The following PTPRF variants were observed in gnomAD, a reference collection of about 807,000 sequenced individuals.
PTPRF encodes the protein receptor-type tyrosine-protein phosphatase F.
In PTPRF, 59 loss-of-function variants were observed where a neutral mutation model predicts 201.8. The observed-to-expected ratio is 0.29, with a 90% confidence interval of 0.24 to 0.36. The LOEUF is 0.36. PTPRF is among the 10% of genes least tolerant of loss of function. The pLI, the probability that PTPRF is intolerant of heterozygous loss-of-function variation, is 1.00. For synonymous variants in PTPRF, 1,088 were observed against 1,089.7 expected, an observed-to-expected ratio of 1.00 and a Z score of 0.03; for missense variants, 2,132 against 2,690.5, an observed-to-expected ratio of 0.79 and a Z score of 4.59.
intron 13 of PTPRF, among the ~76,000 whole-genome samples, chr1:43,599,936 C>A (rs950030351): frequency 6.6e-6 from 1 of 152,158 alleles, no homozygotes; most frequent in Non-Finnish European, 1.5e-5. Context: ...CCCCATTGAG[C>A]CTCTCACCTC....
chr1:43,561,370 T>C (rs1026280684), intron 5 of PTPRF, among the ~76,000 whole-genome samples: 1 of 152,162 alleles, frequency 6.6e-6, no homozygotes, highest in Non-Finnish European at 1.5e-5. Flanking sequence ...TGGAATGACT[T>C]GGCCCAGGCC....
At position 43,547,110 on chromosome 1, in the gene PTPRF, C is replaced by T. The variant is rs144240122; in HGVS notation, c.91+1944C>T. Among the ~76,000 whole-genome samples the T allele has an allele frequency of 2.3e-3, 353 of 152,302 alleles. 3 individuals carry two copies. The highest frequency in any genetic ancestry group is 0.02 in the Middle Eastern group (6 of 294). On this transcript the variant is annotated intron_variant, in intron 3 of 33. Transcript: ENST00000359947. Reference sequence around the variant, plus strand: ...TTCATTCCCTCCCACCCCCAGGCCCCCAGGGTCGTAACCCTTCTATAGGCC... The same window carrying T: ...TTCATTCCCTCCCACCCCCAGGCCCTCAGGGTCGTAACCCTTCTATAGGCC...
intron 7 of PTPRF, among the ~76,000 whole-genome samples, chr1:43,584,333 G>GCCA (rs1648556793): frequency 1.3e-5 from 2 of 152,094 alleles, no homozygotes; most frequent in African/African-American, 2.4e-5. Context: ...TGAGGGAGCC[G>GCCA]GTCGAGAGGA....
chr1:43,601,369 C>G (rs985908686), intron 13 of PTPRF, among the ~76,000 whole-genome samples: 1 of 152,246 alleles, frequency 6.6e-6, no homozygotes, highest in Non-Finnish European at 1.5e-5. Context: ...TCAGACACCC[C>G]GAGGAAGGAA....
intron 3 of PTPRF, among the ~76,000 whole-genome samples, chr1:43,552,460 G>A (rs143917110): frequency 2.8e-4 from 42 of 152,364 alleles, no homozygotes; most frequent in African/African-American, 9.9e-4. Context: ...AGAACCTGGT[G>A]CAGAGTGGGT....
rs605709 is a variant in PTPRF, at chr1:43,592,796, C to T, written c.1813+195C>T. Among the ~76,000 whole-genome samples, 42,045 of 151,998 alleles carry T rather than the reference C, an allele frequency of 0.28. 6,917 individuals carry two copies. The highest frequency in any genetic ancestry group is 0.37 in the Non-Finnish European group (25,300 of 67,922). Reference sequence around the variant, plus strand: ...TGCCTCCCAGTCTGTCCAGTCCAGGCGGCTGCTGCCCTCCCTGCTCCCTGC... The same window carrying T: ...TGCCTCCCAGTCTGTCCAGTCCAGGTGGCTGCTGCCCTCCCTGCTCCCTGC... On this transcript the variant is annotated intron_variant, in intron 11 of 33. Coordinates refer to ENST00000359947, the MANE Select transcript of PTPRF (RefSeq NM_002840.5).
chr1:43,606,266 A>AGAG lies in PTPRF; in HGVS notation c.3514_3516dup (p.Glu1172dup), dbSNP rs1655082203. On this transcript the variant is annotated inframe_insertion, in exon 20 of 34. Coordinates refer to ENST00000359947, the MANE Select transcript of PTPRF (RefSeq NM_002840.5). The stretch of plus-strand genomic sequence containing the variant: ...TTCTAGAAGCCATCGAGCAAGGCGG[A>AGAG]GAGGAGCAGCGGCGGCGGCGGCGGC... 11 of 1,613,770 alleles carry AGAG rather than the reference A, an allele frequency of 6.8e-6. No individual in the cohort carries two copies. The East Asian group carries it at 2.2e-4, about 33-fold the overall frequency.
upstream of PTPRF, among the ~76,000 whole-genome samples, chr1:43,523,082 G>A (rs541330242): frequency 8.5e-5 from 13 of 152,188 alleles, no homozygotes; most frequent in Non-Finnish European, 1.8e-4. Context: ...TTAGAGAGGT[G>A]CTCTGGAGGT....
intron 5 of PTPRF, among the ~76,000 whole-genome samples, chr1:43,557,041 A>G (rs903231192): frequency 6.6e-5 from 10 of 152,212 alleles, no homozygotes; most frequent in East Asian, 1.9e-4. Context: ...AAGTATTTCA[A>G]TGCTGCCCAG....
chr1:43,592,652 C>G (rs774010591), intron 11 of PTPRF, 51 bp downstream of exon 11: 1 of 1,486,124 alleles, frequency 6.7e-7, no homozygotes, highest in Admixed American at 2.0e-5. Flanking sequence ...GGGACACACA[C>G]ACACACATGC....
At chr1:43,613,985 C>G (rs1237668113) in intron 23 of PTPRF, among the ~76,000 whole-genome samples, 4 of 152,210 alleles carry the variant, frequency 2.6e-5, no homozygotes, top group Non-Finnish European at 5.9e-5. Flanking sequence ...TCTGGACACT[C>G]AGACACGTGC....
Position 43,606,870 on chromosome 1 carries a change from C to T in PTPRF, c.3759C>T (p.Ala1253=). The T allele has an allele frequency of 6.2e-7, 1 of 1,614,174 alleles. No individual in the cohort carries two copies. Among genetic ancestry groups the T allele is most frequent in the Non-Finnish European group, 8.5e-7 (1 of 1,180,030 alleles). ...SDEIVVQVTP[A]QQQEEPEMLW... is the part of the protein sequence containing the mutation. ...AGATCGTGGTCCAGGTGACACCAGC[C>T]CAGCAGCAGGAGGAGCCGGAGATGC... The change falls in exon 21 of 34, where the codon GCC becomes GCT. Residue 1253 remains alanine (A), a synonymous_variant. Transcript: ENST00000359947.
At position 43,589,004 on chromosome 1, in the gene PTPRF, A is replaced by G. The variant is rs780517762; in HGVS notation, c.949+4A>G. ...ACAGCCCAGGTCACAGTGAAAGGTG[A>G]GTGTGGCAGGTGCTGTAACCAGTGC... On this transcript the variant is annotated splice_donor_region_variant and intron_variant, in intron 8 of 33. Transcript: ENST00000359947. 5.8e-6 allele frequency: 9 copies of G among 1,542,908 alleles called. No individual in the cohort carries two copies. The African/African-American group carries it at 1.2e-4, about 21-fold the overall frequency.
chr1:43,620,031 A>C, intron 29 of PTPRF, 64 bp from the exon 30 acceptor site: 1 of 1,604,978 alleles, frequency 6.2e-7, no homozygotes, highest in Non-Finnish European at 8.5e-7. Context: ...GGGGCTAGGC[A>C]GCCTAAGGGG....
chr1:43,614,975 A>G lies in PTPRF; in HGVS notation c.4071+1260A>G, dbSNP rs546000101. Among the ~76,000 whole-genome samples the G allele has an allele frequency of 2.4e-3, 366 of 152,164 alleles. 2 individuals carry two copies. The highest frequency in any genetic ancestry group is 8.4e-3 in the African/African-American group (349 of 41,504). ...CTGTGCTTGTCGTTCTGCCTTGTCC[A>G]CAGCTGTTTCCTCAGCACCTGGCAC... On this transcript the variant is annotated intron_variant, in intron 23 of 33. Transcript: ENST00000359947.
chr1:43,612,281 G>A (rs543116070), intron 22 of PTPRF, among the ~76,000 whole-genome samples: 118 of 152,292 alleles, frequency 7.7e-4, no homozygotes, highest in Admixed American at 1.6e-3. Context: ...CGTGGCAAGT[G>A]GGGGCTGAGA....
intron 5 of PTPRF, among the ~76,000 whole-genome samples, chr1:43,567,940 G>A (rs1257203856): frequency 6.6e-6 from 1 of 152,096 alleles, no homozygotes; most frequent in Non-Finnish European, 1.5e-5. Context: ...CATTCCCCTT[G>A]CCCCACATTG....
intron 5 of PTPRF, among the ~76,000 whole-genome samples, chr1:43,565,315 C>T (rs747069261): frequency 3.3e-5 from 5 of 152,228 alleles, no homozygotes; most frequent in Non-Finnish European, 7.3e-5. Context: ...TCGTCTTCTG[C>T]CCATGGGGCA....
Position 43,591,141 on chromosome 1 carries a change from C to T in PTPRF, c.1119C>T (p.Arg373=). 1 of 1,613,610 alleles carries T rather than the reference C, an allele frequency of 6.2e-7. No homozygotes were observed. Among genetic ancestry groups the T allele is most frequent in the Non-Finnish European group, 8.5e-7 (1 of 1,180,022 alleles). ...AGGTGGATGGTGTGGCCACCACCCG[C>T]TACAGCATTGGCGGCCTCAGCCCTT... ...FQEVDGVATT[R]YSIGGLSPFS... is the part of the protein sequence containing the mutation. The change falls in exon 9 of 34, where the codon CGC becomes CGT. Residue 373 remains arginine (R), a synonymous_variant. Transcript: ENST00000359947.
Sources: gnomAD v4.1 joint callset for allele counts (sites outside exome capture counted in the v4.1 genomes callset) on GRCh38, gnomAD v4.1.1 for gene constraint, MANE v1.5 for transcripts, NCBI Gene and HGNC (gene_info 2026-07-23, HGNC 2026-07-21) for gene names.